Variants in NEGR1 observed in about 807,000 individuals in gnomAD.
The protein encoded by NEGR1 is neuronal growth regulator 1.
Under a neutral mutation model 40.9 loss-of-function variants are expected in NEGR1, and 10 were observed. That is an observed-to-expected ratio of 0.24 (90% CI 0.15 to 0.42). The LOEUF (loss-of-function observed/expected upper bound fraction) is 0.42. Ranked by LOEUF, NEGR1 falls within the 10% of genes least tolerant of loss-of-function variation. The probability of loss-of-function intolerance (pLI) is 1.00; values close to 1 mark genes in which losing one functional copy is unlikely to be tolerated. For missense variants in NEGR1, 352 were observed against 438.9 expected, an observed-to-expected ratio of 0.80 and a Z score of 1.77; for synonymous variants, 185 against 166.8, an observed-to-expected ratio of 1.11 and a Z score of -0.84.
intron 1 of NEGR1, among the ~76,000 whole-genome samples, chr1:72,213,735 A>G (rs1380867831): frequency 3.9e-5 from 6 of 152,152 alleles, no homozygotes; most frequent in African/African-American, 1.4e-4. Context: ...TAGACTACCA[A>G]CCAAAAAAAG....
At chr1:71,879,225 C>T (rs1222496836) in intron 2 of NEGR1, among the ~76,000 whole-genome samples, 1 of 151,728 alleles carries the variant, frequency 6.6e-6, no homozygotes. Flanking sequence ...AAGGATCATG[C>T]ATAGGGAGAG....
intron 4 of NEGR1, among the ~76,000 whole-genome samples, chr1:71,636,913 T>C (rs549008919): frequency 7.2e-4 from 110 of 152,172 alleles, no homozygotes; most frequent in African/African-American, 2.5e-3. Context: ...CCCAATACTT[T>C]GAAGTCACGG....
rs548977409 is a variant in NEGR1 at position 72,100,216 on chromosome 1, C to T, written c.177-164905G>A. On this transcript the variant is annotated intron_variant, in intron 1 of 6. Coordinates refer to ENST00000357731, the MANE Select transcript of NEGR1 (RefSeq NM_173808.3). ...CCAAGATTATAACTAAAAAACAAAT[C>T]AATACTTAATTTTAAAACGTCCCCA... Among the ~76,000 whole-genome samples the T allele has an allele frequency of 6.4e-3, 973 of 152,178 alleles. 11 individuals are homozygous for T. The highest frequency in any genetic ancestry group is 0.022 in the African/African-American group (914 of 41,544).
At chr1:71,902,187 T>C (rs576574184) in intron 2 of NEGR1, among the ~76,000 whole-genome samples, 1 of 152,342 alleles carries the variant, frequency 6.6e-6, no homozygotes, top group African/African-American at 2.4e-5. Flanking sequence ...TTTAAGGATG[T>C]AGCAGTAATG....
intron 1 of NEGR1, among the ~76,000 whole-genome samples, chr1:72,078,905 G>T (rs1484870185): frequency 6.6e-6 from 1 of 150,884 alleles, no homozygotes; most frequent in East Asian, 1.9e-4. Flanking sequence ...CTCCCAAAGT[G>T]CTGGGATTAC....
At chr1:71,570,984 T>C (rs1170472522) in intron 6 of NEGR1, 1 of 152,212 alleles carries the variant, frequency 6.6e-6, no homozygotes, top group Non-Finnish European at 1.5e-5. Context: ...ATTACTGATG[T>C]CTATCTTTGA....
At chr1:72,213,397 G>C (rs867952110) in intron 1 of NEGR1, among the ~76,000 whole-genome samples, 1 of 151,658 alleles carries the variant, frequency 6.6e-6, no homozygotes, top group Non-Finnish European at 1.5e-5. Flanking sequence ...ACATGGATTT[G>C]ACATAGTGAT....
At chr1:72,060,869 G>C (rs998786067) in intron 1 of NEGR1, among the ~76,000 whole-genome samples, 1 of 151,366 alleles carries the variant, frequency 6.6e-6, no homozygotes, top group South Asian at 2.1e-4. Flanking sequence ...TTTCTGGATA[G>C]GTAGTTTTTT....
chr1:71,923,122 A>T (rs1315848323), intron 2 of NEGR1, among the ~76,000 whole-genome samples: 2 of 152,166 alleles, frequency 1.3e-5, no homozygotes, highest in African/African-American at 4.8e-5. Flanking sequence ...TTTTATATGC[A>T]GCCCCTGTTC....
intron 1 of NEGR1, among the ~76,000 whole-genome samples, chr1:72,153,505 T>C (rs989309379): frequency 3.2e-4 from 49 of 152,054 alleles, no homozygotes; most frequent in African/African-American, 1.0e-3. Flanking sequence ...CAAATTTATA[T>C]TGTGATTCTG....
At chr1:71,469,650 G>A (rs2101354396) in intron 6 of NEGR1, among the ~76,000 whole-genome samples, 1 of 152,168 alleles carries the variant, frequency 6.6e-6, no homozygotes, top group Admixed American at 6.6e-5. Flanking sequence ...GATAGCTTGG[G>A]ACAGAGTGAA....
intron 2 of NEGR1, among the ~76,000 whole-genome samples, chr1:71,811,783 A>G (rs566681806): frequency 3.3e-5 from 5 of 151,394 alleles, no homozygotes; most frequent in African/African-American, 1.2e-4. Context: ...GAATAAAGAA[A>G]TAAATTAATG....
At chr1:72,258,133 T>A (rs1296377410) in intron 1 of NEGR1, among the ~76,000 whole-genome samples, 1 of 152,208 alleles carries the variant, frequency 6.6e-6, no homozygotes, top group African/African-American at 2.4e-5. Flanking sequence ...TATGACTCAG[T>A]AGTTCTCAAC....
At chr1:71,628,310 T>C (rs949018489) in intron 4 of NEGR1, among the ~76,000 whole-genome samples, 2 of 152,038 alleles carry the variant, frequency 1.3e-5, no homozygotes, top group Non-Finnish European at 1.5e-5. Flanking sequence ...ATCAGAAACA[T>C]AGGTGATAAT....
intron 6 of NEGR1, chr1:71,463,267 C>T (rs1162398825): frequency 6.6e-6 from 1 of 152,062 alleles, no homozygotes; most frequent in Non-Finnish European, 1.5e-5. Flanking sequence ...AGGGGTGGAA[C>T]ATTTTTAAAT....
At chr1:71,841,042 A>C (rs1659218216) in intron 2 of NEGR1, among the ~76,000 whole-genome samples, 1 of 152,006 alleles carries the variant, frequency 6.6e-6, no homozygotes, top group South Asian at 2.1e-4. Context: ...AATCACATGA[A>C]CCAATTTCTT....
chr1:71,835,866 A>C (rs1306902836), intron 2 of NEGR1, among the ~76,000 whole-genome samples: 1 of 152,158 alleles, frequency 6.6e-6, no homozygotes, highest in Non-Finnish European at 1.5e-5. Context: ...GAGATACTAA[A>C]AAGATTAAAT....
At chr1:71,926,340 A>C (rs1645772825) in intron 2 of NEGR1, among the ~76,000 whole-genome samples, 1 of 142,988 alleles carries the variant, frequency 7.0e-6, no homozygotes, top group African/African-American at 2.6e-5. Context: ...TTCAAGCTGA[A>C]AACTTGAAAA....
At chr1:72,168,400 T>C (rs543897285) in intron 1 of NEGR1, among the ~76,000 whole-genome samples, 2 of 152,136 alleles carry the variant, frequency 1.3e-5, no homozygotes, top group South Asian at 4.2e-4. Context: ...TTCTTCCTAT[T>C]CCTCTTTTGC....
Sources: allele counts gnomAD v4.1 joint callset (sites outside exome capture counted in the v4.1 genomes callset), GRCh38; gene constraint gnomAD v4.1.1; transcripts MANE v1.5; gene names NCBI Gene and HGNC (gene_info 2026-07-23, HGNC 2026-07-21).